CCDC30: variants seen among roughly 807,000 people sequenced by gnomAD.
The protein encoded by CCDC30 is coiled-coil domain-containing protein 30.
CCDC30 carries 70 observed loss-of-function variants against 100.2 expected under a neutral mutation model. The ratio of observed to expected loss-of-function variants is 0.70; its 90% CI spans 0.58 to 0.85. CCDC30 has a LOEUF of 0.85. Ranked by LOEUF, CCDC30 falls within the 40% of genes least tolerant of loss-of-function variation. CCDC30 has a pLI of 0.00. For synonymous variants in CCDC30, 233 were observed against 269.5 expected (o/e 0.86, Z 1.33); for missense variants, 652 against 771.2 (o/e 0.85, Z 1.83).
chr1:42,613,084 G>A (rs757591005), intron 11 of CCDC30, among the ~76,000 whole-genome samples: 32 of 151,998 alleles, frequency 2.1e-4, no homozygotes, highest in Non-Finnish European at 7.4e-5. Flanking sequence ...GAAAGAATTC[G>A]GGGCAAATCT....
At chr1:42,637,478 T>G (rs1165385047) in intron 12 of CCDC30, 100 bp downstream of exon 16, 2 of 1,079,224 alleles carry the variant, frequency 1.9e-6, no homozygotes, top group Admixed American at 2.4e-5. Context: ...GACCCCTTCA[T>G]AGTCCTCGTT....
chr1:42,560,812 AG>A (rs1196472066), intron 6 of CCDC30, among the ~76,000 whole-genome samples: 1 of 152,246 alleles, frequency 6.6e-6, no homozygotes, highest in Non-Finnish European at 1.5e-5. Context: ...CTACCATCAG[AG>A]AATATTATAA....
the CCDC30 span, among the ~76,000 whole-genome samples, chr1:42,457,983 A>C: frequency 6.6e-6 from 1 of 151,820 alleles, no homozygotes; most frequent in Non-Finnish European, 1.5e-5. Flanking sequence ...CCAAAAATCA[A>C]AACAAAATGA....
In CCDC30 at chr1:42,466,981, C is replaced by G. The variant is rs565953501; in HGVS notation, c.-92+3083C>G. 1.1e-3 allele frequency among the ~76,000 whole-genome samples: 166 copies of G among 152,276 alleles called. 1 individual carries two copies. The highest frequency in any genetic ancestry group is 2.1e-3 in the Non-Finnish European group (144 of 68,018). On this transcript the variant is annotated intron_variant, in intron 1 of 16. Coordinates refer to ENST00000668663, the Ensembl canonical transcript of CCDC30. The stretch of plus-strand genomic sequence containing the variant: ...AGAATTTAAAAGTTAATCATCAGGT[C>G]TCAATAAATCCACTGGGAAAATGTT...
In CCDC30 at chr1:42,492,924, C is replaced by T. The variant is rs895756646; in HGVS notation, c.241+2695C>T. Among the ~76,000 whole-genome samples the T allele has an allele frequency of 3.3e-5, 5 of 151,916 alleles. No individual in the cohort carries two copies. The South Asian group carries it at 6.2e-4, about 19-fold the overall frequency. ...CCTCCCAAAGTGCTGGGATTACAGG[C>T]GTGAGCCACCGCACCCGGCCTAAAA... On this transcript the variant is annotated intron_variant, in intron 4 of 16. Coordinates refer to ENST00000668663, the Ensembl canonical transcript of CCDC30.
intron 7 of CCDC30, among the ~76,000 whole-genome samples, chr1:42,567,732 C>T (rs1460124440): frequency 1.3e-5 from 2 of 152,166 alleles, no homozygotes; most frequent in African/African-American, 4.8e-5. Context: ...ATCATTTTAA[C>T]TCTCCAACTC....
intron 9 of CCDC30, among the ~76,000 whole-genome samples, chr1:42,588,524 G>T (rs1247764314): frequency 6.6e-6 from 1 of 152,144 alleles, no homozygotes; most frequent in Non-Finnish European, 1.5e-5. Context: ...AACTCATTAG[G>T]GAGAGTGAAG....
intron 6 of CCDC30, among the ~76,000 whole-genome samples, chr1:42,520,555 C>T (rs1215606324): frequency 1.3e-5 from 2 of 150,956 alleles, no homozygotes; most frequent in African/African-American, 2.4e-5. Flanking sequence ...TGGTCTCAAA[C>T]TCCTGACCTC....
intron 1 of CCDC30, chr1:42,473,105 TTA>T (rs1643822460): frequency 8.2e-7 from 1 of 1,226,220 alleles, no homozygotes; most frequent in Non-Finnish European, 1.0e-6. Flanking sequence ...ATACATATGC[TTA>T]TTTCTTCTAT....
At chr1:42,628,122 G>T (rs1646966625) in intron 11 of CCDC30, among the ~76,000 whole-genome samples, 1 of 152,112 alleles carries the variant, frequency 6.6e-6, no homozygotes, top group South Asian at 2.1e-4. Context: ...CCCACTTTTT[G>T]CATCAGTGTG....
exon 12 of CCDC30, chr1:42,637,258 C>T: frequency 6.3e-7 from 1 of 1,583,280 alleles, no homozygotes; most frequent in Non-Finnish European, 8.5e-7. Flanking sequence ...AGAAACATCA[C>T]CAACAAAAAG....
At chr1:42,579,295 T>A (rs1276142247) in intron 8 of CCDC30, among the ~76,000 whole-genome samples, 1 of 151,550 alleles carries the variant, frequency 6.6e-6, no homozygotes, top group Non-Finnish European at 1.5e-5. Context: ...TGAATTAACT[T>A]ATTTTTAAGA....
At chr1:42,619,669 G>A (rs1019212671) in intron 11 of CCDC30, among the ~76,000 whole-genome samples, 3 of 152,102 alleles carry the variant, frequency 2.0e-5, no homozygotes, top group Non-Finnish European at 4.4e-5. Context: ...AGAATAGATA[G>A]TCAATATCGC....
At chr1:42,603,895 A>G (rs937469793) in intron 10 of CCDC30, among the ~76,000 whole-genome samples, 8 of 152,314 alleles carry the variant, frequency 5.3e-5, no homozygotes, top group African/African-American at 1.9e-4. Context: ...TTCTTTGGAC[A>G]CCACTAAAAA....
chr1:42,635,935 T>G (rs1647146145), intron 11 of CCDC30, among the ~76,000 whole-genome samples: 1 of 152,250 alleles, frequency 6.6e-6, no homozygotes, highest in Non-Finnish European at 1.5e-5. Context: ...CTTTGCATCC[T>G]TGTCAGCACT....
At chr1:42,456,822 C>T in the CCDC30 span, 4 of 1,613,438 alleles carry the variant, frequency 2.5e-6, no homozygotes, top group Non-Finnish European at 2.5e-6. Context: ...TTGTATCGCG[C>T]TCGCTCTGCC....
chr1:42,614,787 G>GA (rs199699271), intron 11 of CCDC30, among the ~76,000 whole-genome samples: 20,468 of 133,232 alleles, frequency 0.15, 1,562 homozygotes, highest in Non-Finnish European at 0.18. Flanking sequence ...ACTCCATCTC[G>GA]AAAAAAAAAA....
intron 10 of CCDC30, among the ~76,000 whole-genome samples, chr1:42,602,763 A>C (rs188992917): frequency 1.1e-3 from 167 of 152,338 alleles, no homozygotes; most frequent in African/African-American, 3.9e-3. Context: ...AGATGGAAGC[A>C]GAGGGAATAC....
intron 11 of CCDC30, among the ~76,000 whole-genome samples, chr1:42,636,291 C>A (rs1424503848): frequency 6.6e-6 from 1 of 151,914 alleles, no homozygotes; most frequent in Non-Finnish European, 1.5e-5. Flanking sequence ...TGGTGGTGTG[C>A]ACTACTTGGG....
Sources: gnomAD v4.1 joint callset for allele counts (sites outside exome capture counted in the v4.1 genomes callset) on GRCh38, gnomAD v4.1.1 for gene constraint, MANE v1.5 for transcripts, NCBI Gene and HGNC (gene_info 2026-07-23, HGNC 2026-07-21) for gene names.